Variants in KLHL1 observed in about 807,000 individuals in gnomAD.
KLHL1 encodes the protein kelch-like protein 1.
Under a neutral mutation model 77.7 loss-of-function variants are expected in KLHL1, and 47 were observed. The observed-to-expected ratio is 0.60, with a 90% confidence interval of 0.48 to 0.77. The LOEUF is 0.77. Ranked by LOEUF, KLHL1 falls within the 30% of genes least tolerant of loss-of-function variation. The pLI is 0.00. For synonymous variants in KLHL1, 360 were observed against 325.2 expected (o/e 1.11, Z -1.15); for missense variants, 925 against 910.8 (o/e 1.02, Z -0.20).
chr13:69,924,712 G>A (rs1232366619), intron 4 of KLHL1, among the ~76,000 whole-genome samples: 1 of 152,182 alleles, frequency 6.6e-6, no homozygotes, highest in Non-Finnish European at 1.5e-5. Context: ...ATCACGTTGT[G>A]TACAACAAGA....
intron 4 of KLHL1, among the ~76,000 whole-genome samples, chr13:69,891,143 A>G (rs1881413589): frequency 6.6e-6 from 1 of 152,082 alleles, no homozygotes; most frequent in Non-Finnish European, 1.5e-5. Flanking sequence ...TTTTGTTATC[A>G]TACGCATAAA....
chr13:69,800,374 G>A (rs1877324003), intron 6 of KLHL1, among the ~76,000 whole-genome samples: 1 of 152,064 alleles, frequency 6.6e-6, no homozygotes, highest in South Asian at 2.1e-4. Flanking sequence ...CGGGGTGGAG[G>A]GAGGTGCATT....
At position 69,959,098 on chromosome 13, in the gene KLHL1, C is replaced by T. The variant is rs147618628; in HGVS notation, c.817+2210G>A. ...AAAATTTAAGGTATTGGAGCACAGG[C>T]CAAAGTGGCAGTGGCAGCTGAGAGG... On this transcript the variant is annotated intron_variant, in intron 3 of 10. Coordinates refer to ENST00000377844, the MANE Select transcript of KLHL1 (RefSeq NM_020866.3). Among the ~76,000 whole-genome samples the T allele has an allele frequency of 3.9e-4, 60 of 152,146 alleles. 2 individuals carry two copies. Among genetic ancestry groups the T allele is most frequent in the South Asian group, 1.0e-3 (5 of 4,826 alleles).
chr13:70,007,035 T>G (rs1885423355), intron 1 of KLHL1, among the ~76,000 whole-genome samples: 1 of 151,980 alleles, frequency 6.6e-6, no homozygotes, highest in Admixed American at 6.6e-5. Context: ...CTATTGTTGG[T>G]GTTCAGAGAA....
At chr13:69,840,730 GTATGTA>G (rs1879223898) in intron 5 of KLHL1, among the ~76,000 whole-genome samples, 1 of 147,400 alleles carries the variant, frequency 6.8e-6, no homozygotes, top group Non-Finnish European at 1.5e-5. Context: ...ATGTATGTAT[GTATGTA>G]TAGAAGATCT....
chr13:69,813,127 T>C (rs1274536173), intron 6 of KLHL1, among the ~76,000 whole-genome samples: 7 of 152,036 alleles, frequency 4.6e-5, no homozygotes, highest in Non-Finnish European at 8.8e-5. Context: ...ATATACACCA[T>C]GGAATACTAT....
intron 4 of KLHL1, among the ~76,000 whole-genome samples, chr13:69,904,133 AAAT>A (rs1275521553): frequency 7.3e-6 from 1 of 137,190 alleles, no homozygotes; most frequent in Non-Finnish European, 1.5e-5. Context: ...AGATTCATGA[AAAT>A]AATTTAATAT....
At chr13:69,891,704 A>G (rs959593878) in intron 4 of KLHL1, among the ~76,000 whole-genome samples, 3 of 151,952 alleles carry the variant, frequency 2.0e-5, no homozygotes, top group South Asian at 2.1e-4. Flanking sequence ...ATATCAATTG[A>G]TATTAGAAAA....
At chr13:69,976,120 A>G (rs1884538653) in intron 1 of KLHL1, among the ~76,000 whole-genome samples, 1 of 152,096 alleles carries the variant, frequency 6.6e-6, no homozygotes, top group Non-Finnish European at 1.5e-5. Context: ...TTACATGCCT[A>G]TTCTAAAATT....
At chr13:69,852,189 T>C (rs184331562) in intron 5 of KLHL1, among the ~76,000 whole-genome samples, 237 of 152,068 alleles carry the variant, frequency 1.6e-3, no homozygotes, top group African/African-American at 5.0e-3. Context: ...TGGTCATCCT[T>C]AAGCATAGCT....
chr13:69,781,285 C>CTTTTTTTTTTTTTTTT (rs869083780), intron 7 of KLHL1, among the ~76,000 whole-genome samples: 9 of 119,706 alleles, frequency 7.5e-5, no homozygotes, highest in African/African-American at 1.9e-4. Flanking sequence ...TTTTTTCTTT[C>CTTTTTTTTTTTTTTTT]TTTTTTTTTT....
intron 7 of KLHL1, among the ~76,000 whole-genome samples, chr13:69,774,072 C>T (rs1875705588): frequency 6.6e-6 from 1 of 151,612 alleles, no homozygotes; most frequent in Non-Finnish European, 1.5e-5. Flanking sequence ...AAAGTTTGTA[C>T]CAAGTGACGA....
intron 1 of KLHL1, among the ~76,000 whole-genome samples, chr13:70,068,211 G>C (rs1438940805): frequency 6.6e-6 from 1 of 151,878 alleles, no homozygotes; most frequent in African/African-American, 2.4e-5. Flanking sequence ...CGTGGTGGCG[G>C]GCGCCTGTAG....
chr13:69,896,566 T>C (rs1482389999), intron 4 of KLHL1, among the ~76,000 whole-genome samples: 3 of 152,136 alleles, frequency 2.0e-5, no homozygotes, highest in Non-Finnish European at 4.4e-5. Context: ...TTCAATAAAA[T>C]GTTTTAGTCA....
intron 5 of KLHL1, among the ~76,000 whole-genome samples, chr13:69,862,750 CTCTG>C (rs1223113253): frequency 4.8e-4 from 73 of 152,042 alleles, no homozygotes; most frequent in African/African-American, 1.7e-3. Context: ...AGAGATCTCT[CTCTG>C]TTTGTTTCTT....
Position 69,775,203 on chromosome 13 carries a change from C to T in KLHL1, c.1639+21535G>A, listed in dbSNP as rs147849204. 3.7e-4 allele frequency among the ~76,000 whole-genome samples: 57 copies of T among 152,034 alleles called. 1 individual carries two copies. Among genetic ancestry groups the T allele is most frequent in the African/African-American group, 1.3e-3 (54 of 41,468 alleles). ...GCTAATGCATTCCTGCCTAAACATA[C>T]GATGCATTGGAAAGTTTGCTACCTT... On this transcript the variant is annotated intron_variant, in intron 7 of 10. Coordinates refer to ENST00000377844, the MANE Select transcript of KLHL1 (RefSeq NM_020866.3).
intron 5 of KLHL1, among the ~76,000 whole-genome samples, chr13:69,850,338 G>T: frequency 6.6e-6 from 1 of 151,234 alleles, no homozygotes; most frequent in East Asian, 1.9e-4. Context: ...TATGATATAT[G>T]AATACATATT....
At chr13:69,972,724 T>C (rs1884423118) in intron 2 of KLHL1, among the ~76,000 whole-genome samples, 1 of 151,910 alleles carries the variant, frequency 6.6e-6, no homozygotes, top group Non-Finnish European at 1.5e-5. Flanking sequence ...AAAATGCTCT[T>C]ACTCTTAATA....
intron 5 of KLHL1, among the ~76,000 whole-genome samples, chr13:69,881,006 G>A (rs1454858207): frequency 1.3e-5 from 2 of 152,066 alleles, no homozygotes; most frequent in Non-Finnish European, 2.9e-5. Flanking sequence ...GATACTACCT[G>A]GCATTAGAAC....
Sources: gnomAD v4.1 joint callset for allele counts (sites outside exome capture counted in the v4.1 genomes callset) on GRCh38, gnomAD v4.1.1 for gene constraint, MANE v1.5 for transcripts, NCBI Gene and HGNC (gene_info 2026-07-23, HGNC 2026-07-21) for gene names.